Variants in SCARA5 observed in about 807,000 individuals in gnomAD.
The protein encoded by SCARA5 is scavenger receptor class A member 5, also known as scavenger receptor class A, member 5 (putative).
A neutral mutation model predicts 46.3 loss-of-function variants in SCARA5; 45 were observed. The ratio of observed to expected loss-of-function variants is 0.97; its 90% CI spans 0.76 to 1.24. SCARA5 has a LOEUF of 1.24. SCARA5 is among the 50% of genes most tolerant of loss of function. The pLI is 0.00. For missense variants in SCARA5, 680 were observed against 689.0 expected (o/e 0.99, Z 0.15); for synonymous variants, 333 against 306.5 (o/e 1.09, Z -0.90).
chr8:27,977,326 C>T (rs572882404), intron 2 of SCARA5, among the ~76,000 whole-genome samples: 16 of 152,130 alleles, frequency 1.1e-4, no homozygotes, highest in Admixed American at 5.2e-4. Flanking sequence ...CTCCCCAGGC[C>T]CCCCCATCAC....
chr8:27,914,893 C>T (rs1379723100), intron 4 of SCARA5, among the ~76,000 whole-genome samples: 1 of 152,196 alleles, frequency 6.6e-6, no homozygotes, highest in Non-Finnish European at 1.5e-5. Flanking sequence ...TCCTGGGGAT[C>T]AGCCAATGAG....
chr8:27,965,131 G>A (rs1419432387), intron 3 of SCARA5, among the ~76,000 whole-genome samples: 2 of 152,170 alleles, frequency 1.3e-5, no homozygotes, highest in Non-Finnish European at 1.5e-5. Context: ...TCATTGATGG[G>A]ACAGACTCCA....
intron 7 of SCARA5, among the ~76,000 whole-genome samples, 171 bp from the exon 8 acceptor site, chr8:27,879,937 C>G (rs1806785497): frequency 6.6e-6 from 1 of 152,196 alleles, no homozygotes; most frequent in Non-Finnish European, 1.5e-5. Flanking sequence ...CCTTTGCCAG[C>G]CTTCTCCCCA....
chr8:27,961,445 C>T (rs1292991667), intron 3 of SCARA5, among the ~76,000 whole-genome samples: 1 of 152,196 alleles, frequency 6.6e-6, no homozygotes, highest in East Asian at 1.9e-4. Flanking sequence ...GATGCTAGTG[C>T]CATGCTTGTA....
At chr8:27,921,190 G>A (rs1196760889) in intron 4 of SCARA5, among the ~76,000 whole-genome samples, 1 of 152,192 alleles carries the variant, frequency 6.6e-6, no homozygotes, top group Non-Finnish European at 1.5e-5. Context: ...TCTACTCCCG[G>A]CCTGAGCCAG....
chr8:27,936,611 A>AAAAAAAAAAAAAAAAAAAAAAAT, intron 3 of SCARA5, among the ~76,000 whole-genome samples: 1 of 147,788 alleles, frequency 6.8e-6, no homozygotes, highest in African/African-American at 2.5e-5. Flanking sequence ...AAAAAAAAAA[A>AAAAAAAAAAAAAAAAAAAAAAAT]GGTGGGGATG....
At chr8:27,977,873 C>A (rs1325108847) in intron 2 of SCARA5, among the ~76,000 whole-genome samples, 1 of 152,232 alleles carries the variant, frequency 6.6e-6, no homozygotes, top group Admixed American at 6.5e-5. Context: ...CTGTAAAAAA[C>A]GCACTGGATT....
intron 7 of SCARA5, among the ~76,000 whole-genome samples, chr8:27,893,272 AG>A (rs1461853341): frequency 6.6e-6 from 1 of 152,154 alleles, no homozygotes; most frequent in Non-Finnish European, 1.5e-5. Flanking sequence ...TCCTGCTGTC[AG>A]CAACTTTCTG....
intron 3 of SCARA5, among the ~76,000 whole-genome samples, chr8:27,961,874 CT>C (rs1185583397): frequency 6.6e-6 from 1 of 152,070 alleles, no homozygotes; most frequent in African/African-American, 2.4e-5. Flanking sequence ...AAATAATCAT[CT>C]TTTTTTTCTA....
intron 4 of SCARA5, among the ~76,000 whole-genome samples, chr8:27,916,459 G>T (rs1020210358): frequency 3.3e-5 from 5 of 152,138 alleles, no homozygotes; most frequent in Admixed American, 2.6e-4. Flanking sequence ...ATATGTGCAG[G>T]TATGCGTATA....
At chr8:27,920,381 G>A (rs1232414086) in intron 4 of SCARA5, among the ~76,000 whole-genome samples, 1 of 152,170 alleles carries the variant, frequency 6.6e-6, no homozygotes, top group Non-Finnish European at 1.5e-5. Flanking sequence ...GGGAGGCTGA[G>A]GCAGGAGGAT....
chr8:27,914,409 C>A (rs1004528563), intron 4 of SCARA5, among the ~76,000 whole-genome samples: 1 of 152,264 alleles, frequency 6.6e-6, no homozygotes, highest in Non-Finnish European at 1.5e-5. Flanking sequence ...TCCTCGTGCA[C>A]AATGCCCCTG....
intron 3 of SCARA5, among the ~76,000 whole-genome samples, chr8:27,948,628 C>T (rs1414680870): frequency 2.6e-5 from 4 of 152,152 alleles, no homozygotes; most frequent in Non-Finnish European, 4.4e-5. Context: ...GCCAGTCCCA[C>T]GGGGCTTGGT....
intron 3 of SCARA5, among the ~76,000 whole-genome samples, chr8:27,956,499 T>C (rs1294820799): frequency 6.6e-6 from 1 of 152,184 alleles, no homozygotes; most frequent in Non-Finnish European, 1.5e-5. Context: ...CAAAAGCACT[T>C]CATGTATTAT....
chr8:27,871,763 A>G lies in SCARA5; in HGVS notation c.*171T>C. 2.1e-6 allele frequency: 3 copies of G among 1,451,884 alleles called. No individual in the cohort carries two copies. Among genetic ancestry groups the G allele is most frequent in the Non-Finnish European group, 9.1e-7 (1 of 1,104,688 alleles). 89.9% of individuals were successfully genotyped at this position (1,451,884 alleles called of 1,614,324 possible). ...GAGTTATACTTCGGAGCACATGTTC[A>G]AGAGGGAAATGACGACCGGCCCCCA... On this transcript the variant is annotated 3_prime_UTR_variant, in exon 9 of 9. Coordinates refer to ENST00000354914, the MANE Select transcript of SCARA5 (RefSeq NM_173833.6).
intron 2 of SCARA5, among the ~76,000 whole-genome samples, chr8:27,973,091 AGACT>A (rs1808471155): frequency 6.6e-6 from 1 of 152,228 alleles, no homozygotes; most frequent in African/African-American, 2.4e-5. Flanking sequence ...TTTGTGGCAA[AGACT>A]GTCTATTACA....
In SCARA5 at chr8:27,879,785, G is replaced by A. The variant is rs1375836460; in HGVS notation, c.1154-19C>T. 1.2e-6 allele frequency: 2 copies of A among 1,611,272 alleles called. No homozygotes were observed. The highest frequency in any genetic ancestry group is 1.7e-4 in the Middle Eastern group (1 of 6,058). On this transcript the variant is annotated intron_variant, in intron 7 of 8. Coordinates refer to ENST00000354914, the MANE Select transcript of SCARA5 (RefSeq NM_173833.6). ...ACGCCACCTGCCGGAGCAGCCAACT[G>A]TCACTACCCAGCTCTAGATACACCA...
chr8:27,966,462 G>GCC lies in SCARA5; in HGVS notation c.191_192dup (p.Leu65GlyfsTer8). ...AGAATCAGGAAGACCAGCAGGTAGA[G>GCC]CCCCAGGACAGCATGCTTCAGGGCC... is the stretch of plus-strand genomic sequence containing the variant. On this transcript the variant is annotated frameshift_variant, in exon 3 of 9. Transcript: ENST00000354914. LOFTEE classifies it high-confidence loss of function. 1 of 1,613,776 alleles carries GCC rather than the reference G, an allele frequency of 6.2e-7. No homozygotes were observed. The highest frequency in any genetic ancestry group is 2.2e-5 in the East Asian group (1 of 44,850).
chr8:27,911,001 T>C (rs1314915830), intron 4 of SCARA5, among the ~76,000 whole-genome samples: 1 of 152,142 alleles, frequency 6.6e-6, no homozygotes, highest in Non-Finnish European at 1.5e-5. Context: ...CCTGCCCACG[T>C]CCACTCTGCA....
Sources: allele counts gnomAD v4.1 joint callset (sites outside exome capture counted in the v4.1 genomes callset), GRCh38; gene constraint gnomAD v4.1.1; transcripts MANE v1.5; gene names NCBI Gene and HGNC (gene_info 2026-07-23, HGNC 2026-07-21).